Variants in DAOA observed in about 807,000 individuals in gnomAD.
DAOA encodes D-amino acid oxidase activator.
In DAOA, 15 loss-of-function variants were observed where a neutral mutation model predicts 16.4. The observed-to-expected ratio is 0.91, with a 90% CI of 0.61 to 1.41. The LOEUF (loss-of-function observed/expected upper bound fraction) is 1.41, where lower values mean the gene tolerates loss of function less well. DAOA is among the 40% of genes most tolerant of loss of function. The pLI is 0.00. For missense variants in DAOA, 230 were observed against 176.8 expected (o/e 1.30, Z -1.71); for synonymous variants, 75 against 59.1 (o/e 1.27, Z -1.23).
chr13:105,473,723 A>C (rs1594108243), intron 4 of DAOA, among the ~76,000 whole-genome samples: 2 of 152,246 alleles, frequency 1.3e-5, no homozygotes, highest in South Asian at 2.1e-4. Flanking sequence ...ATGAGCTATA[A>C]TCTGTCTATA....
intron 3 of DAOA, among the ~76,000 whole-genome samples, chr13:105,470,687 G>T (rs1341795869): frequency 6.6e-6 from 1 of 152,118 alleles, no homozygotes; most frequent in African/African-American, 2.4e-5. Context: ...TGGGCTCACT[G>T]CAACCTCTGC....
intron 4 of DAOA, among the ~76,000 whole-genome samples, chr13:105,479,913 C>T (rs1338999953): frequency 6.6e-6 from 1 of 152,122 alleles, no homozygotes; most frequent in Non-Finnish European, 1.5e-5. Context: ...AATTATTTTT[C>T]ATTGCAATAC....
intron 4 of DAOA, among the ~76,000 whole-genome samples, chr13:105,480,862 C>T (rs1169995263): frequency 6.6e-6 from 1 of 152,146 alleles, no homozygotes; most frequent in African/African-American, 2.4e-5. Flanking sequence ...TCCATCTGGG[C>T]CATCAGCTGA....
At chr13:105,489,820 G>T in intron 4 of DAOA, 81 bp from the exon 5 acceptor site, 2 of 1,612,940 alleles carry the variant, frequency 1.2e-6, no homozygotes, top group South Asian at 1.1e-5. Flanking sequence ...AATGGAACAT[G>T]GGAAAGGTGA....
chr13:105,472,894 G>A (rs1031064645), intron 4 of DAOA, among the ~76,000 whole-genome samples: 1 of 151,932 alleles, frequency 6.6e-6, no homozygotes, highest in Non-Finnish European at 1.5e-5. Flanking sequence ...ATTTTTTCAT[G>A]CAGTAGTTTT....
chr13:105,480,895 A>G (rs1172503379), intron 4 of DAOA, among the ~76,000 whole-genome samples: 1 of 152,120 alleles, frequency 6.6e-6, no homozygotes, highest in East Asian at 1.9e-4. Context: ...TGCCCACGGT[A>G]AGGAGGGATC....
At chr13:105,479,493 T>C (rs1443488098) in intron 4 of DAOA, among the ~76,000 whole-genome samples, 2 of 152,200 alleles carry the variant, frequency 1.3e-5, no homozygotes, top group Non-Finnish European at 2.9e-5. Context: ...TGGTTCCCAC[T>C]GGACAGAGAA....
At chr13:105,485,462 C>T (rs1414510005) in intron 4 of DAOA, among the ~76,000 whole-genome samples, 2 of 152,150 alleles carry the variant, frequency 1.3e-5, no homozygotes, top group Non-Finnish European at 2.9e-5. Flanking sequence ...AGTCTACCAC[C>T]AAAAATATAT....
intron 2 of DAOA, 132 bp from the exon 3 acceptor site, chr13:105,466,920 GA>G (rs1416315137): frequency 9.2e-6 from 11 of 1,195,964 alleles, no homozygotes; most frequent in African/African-American, 1.5e-5. Context: ...GTATTTGGCT[GA>G]ATAGTTAAGA....
At chr13:105,481,659 C>T (rs528809207) in intron 4 of DAOA, among the ~76,000 whole-genome samples, 2 of 152,206 alleles carry the variant, frequency 1.3e-5, no homozygotes, top group East Asian at 3.9e-4. Flanking sequence ...AAAACTCATT[C>T]CTCTATCAAA....
At chr13:105,486,446 T>C (rs1286973101) in intron 4 of DAOA, among the ~76,000 whole-genome samples, 1 of 152,148 alleles carries the variant, frequency 6.6e-6, no homozygotes, top group Non-Finnish European at 1.5e-5. Context: ...TGTCTGTTTC[T>C]GGGTGGCTCT....
At chr13:105,472,314 G>A (rs1049269967) in intron 3 of DAOA, among the ~76,000 whole-genome samples, 2 of 152,188 alleles carry the variant, frequency 1.3e-5, no homozygotes, top group Admixed American at 6.5e-5. Flanking sequence ...TCCAGAGAGA[G>A]AAGCCACCCT....
intron 4 of DAOA, among the ~76,000 whole-genome samples, chr13:105,487,086 G>A (rs118086470): frequency 0.018 from 2,699 of 152,234 alleles, 38 homozygotes; most frequent in Non-Finnish European, 0.028. Context: ...GAGAATGGAG[G>A]AAAAGGAGAG....
chr13:105,481,535 A>G (rs1022272757), intron 4 of DAOA, among the ~76,000 whole-genome samples: 1 of 152,206 alleles, frequency 6.6e-6, no homozygotes, highest in Non-Finnish European at 1.5e-5. Flanking sequence ...CTTGGCAGAC[A>G]TCCTTGCTGC....
intron 3 of DAOA, among the ~76,000 whole-genome samples, chr13:105,468,200 T>C (rs1376465720): frequency 6.6e-6 from 1 of 152,212 alleles, no homozygotes; most frequent in African/African-American, 2.4e-5. Context: ...CCGAGGTCAC[T>C]CTCCACCTCC....
intron 2 of DAOA, chr13:105,466,567 T>C: frequency 1.6e-6 from 1 of 622,248 alleles, no homozygotes; most frequent in Admixed American, 3.3e-5. Flanking sequence ...GGCCCTCACC[T>C]ATCCCTGGGA....
At chr13:105,490,666 A>G (rs1878455738) in intron 5 of DAOA, 1 of 152,102 alleles carries the variant, frequency 6.6e-6, no homozygotes. Context: ...TATTTTTTCT[A>G]TAAATTCCTC....
intron 4 of DAOA, among the ~76,000 whole-genome samples, chr13:105,481,665 T>A (rs1236375978): frequency 6.6e-6 from 1 of 152,184 alleles, no homozygotes; most frequent in Non-Finnish European, 1.5e-5. Flanking sequence ...CATTCCTCTA[T>A]CAAACCTCTG....
chr13:105,476,335 T>C (rs1877326907), intron 4 of DAOA, among the ~76,000 whole-genome samples: 1 of 152,054 alleles, frequency 6.6e-6, no homozygotes, highest in Admixed American at 6.6e-5. Context: ...TTTCCAAATG[T>C]CTATGTTTTG....
Sources: allele counts gnomAD v4.1 joint callset (sites outside exome capture counted in the v4.1 genomes callset), GRCh38; gene constraint gnomAD v4.1.1; transcripts MANE v1.5; gene names NCBI Gene and HGNC (gene_info 2026-07-23, HGNC 2026-07-21).